FMN1: variants seen among roughly 807,000 people sequenced by gnomAD.
FMN1 encodes formin 1, also known as formin-1.
Under a neutral mutation model 132.4 loss-of-function variants are expected in FMN1, and 110 were observed. That is an observed-to-expected ratio of 0.83 (90% CI 0.71 to 0.97). FMN1 has a LOEUF of 0.97. Among genes scored for constraint, FMN1 ranks in the 50% least tolerant of loss-of-function variants. FMN1 has a pLI of 0.00. For synonymous variants in FMN1, 722 were observed against 651.7 expected (o/e 1.11, Z -1.64); for missense variants, 1,792 against 1,705.3 (o/e 1.05, Z -0.90).
At chr15:32,965,383 GA>G (rs2031107835) in intron 8 of FMN1, among the ~76,000 whole-genome samples, 1 of 152,104 alleles carries the variant, frequency 6.6e-6, no homozygotes, top group Non-Finnish European at 1.5e-5. Flanking sequence ...CTGGGTAACA[GA>G]ACAAGAGTCC....
chr15:33,013,573 C>T lies in FMN1; in HGVS notation c.2162-5498G>A, dbSNP rs1370660649. On this transcript the variant is annotated intron_variant, in intron 6 of 20. Coordinates refer to ENST00000616417, the MANE Select transcript of FMN1 (RefSeq NM_001277313.2). ...AATTGGATATTTTTTACGAAATTAT[C>T]TTTATGCATATCTAACATTAAATGA... is the stretch of plus-strand genomic sequence containing the variant. Among the ~76,000 whole-genome samples the T allele has an allele frequency of 2.6e-5, 4 of 152,284 alleles. No individual in the cohort carries two copies. The East Asian group carries it at 5.8e-4, about 22-fold the overall frequency.
chr15:32,968,860 T>G lies in FMN1; in HGVS notation c.2841A>C (p.Pro947=), dbSNP rs1596365734. 2.4e-4 allele frequency: 129 copies of G among 536,108 alleles called. No homozygotes were observed. Among genetic ancestry groups the G allele is most frequent in the Non-Finnish European group, 3.2e-4 (109 of 336,972 alleles). The allele number at this position is 536,108 out of a possible 1,614,324, so 33.2% of individuals were successfully genotyped here. The change falls in exon 8 of 21, where the codon CCA becomes CCC. Residue 947 remains proline, a synonymous_variant. Coordinates refer to ENST00000616417, the MANE Select transcript of FMN1 (RefSeq NM_001277313.2). The stretch of plus-strand genomic sequence containing the variant: ...GAGGTGGGGGTGCAAGTCCTGGGGG[T>G]GGTGGAGCAGGAGGAGGCCCTCCAG... ...PNPGGPPPAP[P]PPGLAPPPPP...
chr15:33,025,356 A>G (rs1402130746), intron 6 of FMN1, among the ~76,000 whole-genome samples: 1 of 152,192 alleles, frequency 6.6e-6, no homozygotes, highest in African/African-American at 2.4e-5. Flanking sequence ...CAGAACCAAC[A>G]AATCAACATG....
rs1321421798 is a variant in FMN1 at position 32,776,927 on chromosome 15, A to G, written c.4131-8T>C. The G allele has an allele frequency of 1.3e-6, 2 of 1,536,012 alleles. No homozygotes were observed. The highest frequency in any genetic ancestry group is 4.6e-5 in the East Asian group (2 of 43,872). ...TCCTGAGCCATTTTCAATCTGAAAT[A>G]GAAATAGGGAAAAGACAGGGGAGAG... On this transcript the variant is annotated splice_polypyrimidine_tract_variant and splice_region_variant and intron_variant, in intron 19 of 20. Transcript: ENST00000616417.
rs529128469 is a variant in FMN1 at position 32,857,127 on chromosome 15, A to G, written c.3836-20T>C. 4 of 1,589,550 alleles carry G rather than the reference A, an allele frequency of 2.5e-6. No individual in the cohort carries two copies. The highest frequency in any genetic ancestry group is 2.2e-5 in the East Asian group (1 of 44,788). On this transcript the variant is annotated intron_variant, in intron 16 of 20. Coordinates refer to ENST00000616417, the MANE Select transcript of FMN1 (RefSeq NM_001277313.2). ...CACTTGCTGTGAAGAGAAATTTAGA[A>G]TTAGACTTAGGAACACAGATTTGCT...
intron 6 of FMN1, among the ~76,000 whole-genome samples, chr15:33,027,189 T>C (rs2035717550): frequency 6.6e-6 from 1 of 152,146 alleles, no homozygotes; most frequent in Non-Finnish European, 1.5e-5. Context: ...CGGACAGCAC[T>C]CTGGTCTTCT....
At chr15:32,950,044 T>TATACAC (rs1567449634) in intron 9 of FMN1, among the ~76,000 whole-genome samples, 1 of 9,380 alleles carries the variant, frequency 1.1e-4, no homozygotes, top group African/African-American at 2.5e-4. Flanking sequence ...CACATATATA[T>TATACAC]ATATATACAC....
chr15:32,890,861 TTA>T (rs1174707208), intron 15 of FMN1, among the ~76,000 whole-genome samples: 3 of 152,246 alleles, frequency 2.0e-5, no homozygotes, highest in South Asian at 2.1e-4. Flanking sequence ...TCTAGAATTT[TTA>T]TAGTTTGAAG....
intron 10 of FMN1, among the ~76,000 whole-genome samples, chr15:32,911,358 C>A (rs1365051707): frequency 6.6e-6 from 1 of 151,432 alleles, no homozygotes; most frequent in Non-Finnish European, 1.5e-5. Flanking sequence ...ACCTCCCTTC[C>A]CTGACTTTAC....
intron 17 of FMN1, among the ~76,000 whole-genome samples, chr15:32,835,095 T>C (rs556898245): frequency 3.9e-5 from 6 of 152,162 alleles, no homozygotes; most frequent in African/African-American, 7.2e-5. Flanking sequence ...TCCAGTCCCT[T>C]TCTACCTAAA....
At chr15:33,128,767 G>A (rs905843676) in intron 4 of FMN1, among the ~76,000 whole-genome samples, 1 of 152,226 alleles carries the variant, frequency 6.6e-6, no homozygotes, top group African/African-American at 2.4e-5. Flanking sequence ...CCTTAAAAGT[G>A]GTATGGACCC....
At chr15:32,776,953 A>G in intron 19 of FMN1, 34 bp from the exon 20 acceptor site, 1 of 1,304,450 alleles carries the variant, frequency 7.7e-7, no homozygotes. Flanking sequence ...CAGGGGAGAG[A>G]GGGAAAAGAA....
intron 4 of FMN1, among the ~76,000 whole-genome samples, chr15:33,133,262 T>G (rs1963625097): frequency 1.3e-5 from 2 of 152,144 alleles, no homozygotes. Context: ...GAAAGAACAG[T>G]GCGCTGGGAG....
In FMN1 at chr15:33,095,392, A is replaced by G. The variant is rs1371773149; in HGVS notation, c.1868-6418T>C. Among the ~76,000 whole-genome samples, 3 of 152,132 alleles carry G rather than the reference A, an allele frequency of 2.0e-5. No homozygotes were observed. The East Asian group carries it at 5.8e-4, about 29-fold the overall frequency. Reference sequence around the variant, plus strand: ...GAAAGAATATACTTGCTTGTTAACAAAAAACATGTATATATATTTTTGAGA... The same window carrying G: ...GAAAGAATATACTTGCTTGTTAACAGAAAACATGTATATATATTTTTGAGA... On this transcript the variant is annotated intron_variant, in intron 4 of 20. Coordinates refer to ENST00000616417, the MANE Select transcript of FMN1 (RefSeq NM_001277313.2).
intron 4 of FMN1, among the ~76,000 whole-genome samples, chr15:33,126,445 G>A (rs958381350): frequency 2.6e-5 from 4 of 152,160 alleles, no homozygotes; most frequent in Non-Finnish European, 1.5e-5. Context: ...TGGGTGCAGA[G>A]GGCAGAGTGG....
In FMN1 at chr15:32,891,897, C is replaced by T. The variant is rs140664335; in HGVS notation, c.3715-3605G>A. The stretch of plus-strand genomic sequence containing the variant: ...TACAGAAGAGCTACTAATTTGTGTA[C>T]ATTAATCTTGTATCCTGAAACTTTG... On this transcript the variant is annotated intron_variant, in intron 15 of 20. Coordinates refer to ENST00000616417, the MANE Select transcript of FMN1 (RefSeq NM_001277313.2). Among the ~76,000 whole-genome samples the T allele has an allele frequency of 3.0e-3, 453 of 152,122 alleles. 2 individuals carry two copies. Among genetic ancestry groups the T allele is most frequent in the African/African-American group, 0.01 (415 of 41,448 alleles).
intron 6 of FMN1, among the ~76,000 whole-genome samples, chr15:33,044,204 G>A (rs562438122): frequency 1.2e-4 from 19 of 152,338 alleles, no homozygotes; most frequent in African/African-American, 3.8e-4. Flanking sequence ...GGGCAGCTTA[G>A]CATTGGCCTG....
At position 32,830,902 on chromosome 15, in the gene FMN1, C is replaced by T. The variant is rs966230300; in HGVS notation, c.3928+26113G>A. Among the ~76,000 whole-genome samples, 5 of 152,088 alleles carry T rather than the reference C, an allele frequency of 3.3e-5. No individual in the cohort carries two copies. In the South Asian group the frequency reaches 1.0e-3, roughly 32 times the overall value. On this transcript the variant is annotated intron_variant, in intron 17 of 20. Coordinates refer to ENST00000616417, the MANE Select transcript of FMN1 (RefSeq NM_001277313.2). ...CGGGATGAAATGTAACCTTTCAGAT[C>T]GGGAGGGCAGGATCCAAGCCACCAA...
intron 9 of FMN1, among the ~76,000 whole-genome samples, chr15:32,943,576 T>C (rs1298979069): frequency 6.6e-6 from 1 of 152,156 alleles, no homozygotes; most frequent in Non-Finnish European, 1.5e-5. Context: ...CTTTAAGACA[T>C]TCTTGTGGAG....
Sources: gnomAD v4.1 joint callset for allele counts (sites outside exome capture counted in the v4.1 genomes callset) on GRCh38, gnomAD v4.1.1 for gene constraint, MANE v1.5 for transcripts, NCBI Gene and HGNC (gene_info 2026-07-23, HGNC 2026-07-21) for gene names.